Variants in ARL9 observed in about 807,000 individuals in gnomAD.
ARL9 encodes the protein ARF like GTPase 9.
A neutral mutation model predicts 27.0 loss-of-function variants in ARL9; 14 were observed. That is an observed-to-expected ratio of 0.52 (90% CI 0.34 to 0.81). The LOEUF is 0.81. Among genes scored for constraint, ARL9 ranks in the 30% least tolerant of loss-of-function variants. ARL9 has a pLI of 0.01. For missense variants in ARL9, 294 were observed against 290.0 expected, an observed-to-expected ratio of 1.01 and a Z score of -0.10; for synonymous variants, 106 against 108.7, an observed-to-expected ratio of 0.98 and a Z score of 0.15.
In ARL9 at chr4:56,506,677, G is replaced by A. The variant is rs1005833719; in HGVS notation, c.279+536G>A. 5 of 985,390 alleles carry A rather than the reference G, an allele frequency of 5.1e-6. No homozygotes were observed. In the East Asian group the frequency reaches 5.7e-4, roughly 112 times the overall value. 61.0% of individuals were successfully genotyped at this position (985,390 alleles called of 1,614,324 possible). ...TTTAACTGACAGGTCTTAGAAACTTGGCATTATTTGGGTCAGCTGAATGGT... is the reference window on the plus strand; with the variant it reads ...TTTAACTGACAGGTCTTAGAAACTTAGCATTATTTGGGTCAGCTGAATGGT... On this transcript the variant is annotated intron_variant, in intron 1 of 3. Coordinates refer to ENST00000640821, the MANE Select transcript of ARL9 (RefSeq NM_001363794.2).
intron 1 of ARL9, among the ~76,000 whole-genome samples, chr4:56,507,704 T>A (rs1721504311): frequency 1.3e-5 from 2 of 150,846 alleles, no homozygotes; most frequent in South Asian, 4.3e-4. Flanking sequence ...GCCGGCGCAG[T>A]GGCTCACACC....
At chr4:56,506,268 AT>A in intron 1 of ARL9, 127 bp downstream of exon 1, 1 of 977,898 alleles carries the variant, frequency 1.0e-6, no homozygotes, top group Non-Finnish European at 1.3e-6. Flanking sequence ...ACTGAGGGCT[AT>A]TTACCTATGG....
At position 56,511,366 on chromosome 4, in the gene ARL9, A is replaced by G. The variant is rs775661706; in HGVS notation, c.442+19A>G. ...CTGGAGAGTAAGCTCTCTGTTCCTT[A>G]GTTATAAGATAGCCACATTTTATTG... On this transcript the variant is annotated intron_variant, in intron 2 of 3. Transcript: ENST00000640821. 6.3e-7 allele frequency: 1 copy of G among 1,597,158 alleles called. No homozygotes were observed. The highest frequency in any genetic ancestry group is 8.5e-7 in the Non-Finnish European group (1 of 1,169,918).
intron 2 of ARL9, among the ~76,000 whole-genome samples, chr4:56,513,027 T>G (rs980490585): frequency 6.6e-6 from 1 of 152,260 alleles, no homozygotes; most frequent in African/African-American, 2.4e-5. Context: ...TCAACAAAAA[T>G]GCATTAAGTG....
At chr4:56,506,308 A>C (rs1440787446) in intron 1 of ARL9, among the ~76,000 whole-genome samples, 167 bp downstream of exon 1, 1 of 151,944 alleles carries the variant, frequency 6.6e-6, no homozygotes, top group Non-Finnish European at 1.5e-5. Context: ...ACTTTGAACG[A>C]CCCATCCCCT....
intron 1 of ARL9, among the ~76,000 whole-genome samples, chr4:56,508,445 C>T (rs1357741657): frequency 4.6e-5 from 7 of 151,908 alleles, no homozygotes; most frequent in Non-Finnish European, 7.4e-5. Context: ...TGCAATGGCG[C>T]GATCTCAGCT....
chr4:56,506,184 GTCGGCCGT>G, intron 1 of ARL9, 43 bp downstream of exon 1: 1 of 1,232,766 alleles, frequency 8.1e-7, no homozygotes, highest in South Asian at 4.1e-5. Flanking sequence ...CAAGGCTTTT[GTCGGCCGT>G]TCAGACCCCA....
chr4:56,517,772 A>T (rs985889838), intron 2 of ARL9, among the ~76,000 whole-genome samples: 4 of 152,150 alleles, frequency 2.6e-5, no homozygotes, highest in African/African-American at 9.7e-5. Context: ...TGAAGTAATC[A>T]AAAGGCATTT....
intron 2 of ARL9, among the ~76,000 whole-genome samples, chr4:56,513,627 A>G (rs1271628569): frequency 6.6e-6 from 1 of 152,174 alleles, no homozygotes; most frequent in African/African-American, 2.4e-5. Context: ...GAAAAATAAA[A>G]CAACTCATGA....
At chr4:56,513,917 C>T (rs1475990895) in intron 2 of ARL9, among the ~76,000 whole-genome samples, 1 of 152,152 alleles carries the variant, frequency 6.6e-6, no homozygotes, top group African/African-American at 2.4e-5. Context: ...CACCTGTAAT[C>T]CCAGCACTTT....
chr4:56,515,307 C>A (rs1410436034), intron 2 of ARL9, among the ~76,000 whole-genome samples: 1 of 151,404 alleles, frequency 6.6e-6, no homozygotes. Context: ...ACCACTTTAT[C>A]CATCAAAGTA....
At chr4:56,522,854 T>C (rs1336757441) in intron 3 of ARL9, among the ~76,000 whole-genome samples, 2 of 152,182 alleles carry the variant, frequency 1.3e-5, no homozygotes, top group African/African-American at 4.8e-5. Flanking sequence ...GCACGTTGTC[T>C]GAATCTGTTC....
At chr4:56,516,912 G>A (rs1721781810) in intron 2 of ARL9, among the ~76,000 whole-genome samples, 1 of 152,194 alleles carries the variant, frequency 6.6e-6, no homozygotes, top group African/African-American at 2.4e-5. Context: ...CTGGATGACA[G>A]AGCACAACCT....
At position 56,506,128 on chromosome 4, in the gene ARL9, C is replaced by T. The variant is rs1218534710; in HGVS notation, c.266C>T (p.Pro89Leu). The T allele has an allele frequency of 7.3e-6, 9 of 1,233,182 alleles. No homozygotes were observed. The highest frequency in any genetic ancestry group is 4.1e-5 in the South Asian group (1 of 24,350). 76.4% of individuals were successfully genotyped at this position (1,233,182 alleles called of 1,614,324 possible). Reference sequence around the variant, plus strand: ...AAGGACAGCACCTTGACAAGGACCCCGCTCGAGCCGCTGGTAAGAGACCCA... The same window carrying T: ...AAGGACAGCACCTTGACAAGGACCCTGCTCGAGCCGCTGGTAAGAGACCCA... ...ENKDSTLTRT[P>L]LEPLEKNKQI... is the part of the protein sequence containing the mutation. Residue 89 changes from proline (P) to leucine (L), a missense_variant, in exon 1 of 4, where the codon CCG (proline) becomes CTG (leucine). Coordinates refer to ENST00000640821, the MANE Select transcript of ARL9 (RefSeq NM_001363794.2).
intron 3 of ARL9, among the ~76,000 whole-genome samples, chr4:56,522,394 C>A (rs560311139): frequency 3.3e-5 from 5 of 151,098 alleles, no homozygotes; most frequent in African/African-American, 1.2e-4. Flanking sequence ...GCACTCCAGT[C>A]TGGGTGACAG....
Position 56,523,720 on chromosome 4 carries a change from T to G in ARL9, c.642T>G (p.Ile214Met). The G allele has an allele frequency of 6.2e-7, 1 of 1,613,822 alleles. No individual in the cohort carries two copies. The highest frequency in any genetic ancestry group is 8.5e-7 in the Non-Finnish European group (1 of 1,179,804). ...NKQDLEAAYH[I>M]TDIHEALALS... is the part of the protein sequence containing the mutation. ...AGGATCTTGAAGCAGCCTATCACAT[T>G]ACAGATATCCATGAAGCTTTGGCAT... Residue 214 changes from isoleucine to methionine, a missense_variant, in exon 4 of 4, where the codon ATT (isoleucine) becomes ATG (methionine). By Grantham distance (10) the Ile-to-Met change is conservative. Transcript: ENST00000640821.
rs186668142 is a variant in ARL9 at position 56,518,932 on chromosome 4, C to T, written c.618+79C>T. The T allele has an allele frequency of 4.4e-5, 56 of 1,280,270 alleles. 1 individual carries two copies. Among genetic ancestry groups the T allele is most frequent in the Middle Eastern group, 4.4e-4 (2 of 4,558 alleles). 79.3% of individuals were successfully genotyped at this position (1,280,270 alleles called of 1,614,324 possible). The stretch of plus-strand genomic sequence containing the variant: ...TGTATACTTTTAATACCTAGATAGT[C>T]AACAATATGCTATATATTTAACTCA... On this transcript the variant is annotated intron_variant, in intron 3 of 3. Transcript: ENST00000640821.
intron 2 of ARL9, among the ~76,000 whole-genome samples, chr4:56,515,167 T>C (rs981939379): frequency 1.3e-5 from 2 of 151,930 alleles, no homozygotes; most frequent in East Asian, 3.9e-4. Flanking sequence ...AGCAGAAGAA[T>C]TGCTTCAACC....
At chr4:56,511,476 G>A in intron 2 of ARL9, 129 bp downstream of exon 2, 1 of 1,061,254 alleles carries the variant, frequency 9.4e-7, no homozygotes, top group Non-Finnish European at 1.3e-6. Context: ...TTTTAGAATG[G>A]ATGTGTAGTT....
Sources: allele counts gnomAD v4.1 joint callset (sites outside exome capture counted in the v4.1 genomes callset), GRCh38; gene constraint gnomAD v4.1.1; transcripts MANE v1.5; gene names NCBI Gene and HGNC (gene_info 2026-07-23, HGNC 2026-07-21).